SLC9B1: variants seen among roughly 807,000 people sequenced by gnomAD.
The protein encoded by SLC9B1 is sodium/hydrogen exchanger 9B1.
SLC9B1 carries 32 observed loss-of-function variants against 51.7 expected under a neutral mutation model. The ratio of observed to expected loss-of-function variants is 0.62; its 90% confidence interval spans 0.47 to 0.83. SLC9B1 has a LOEUF of 0.83. Among genes scored for constraint, SLC9B1 ranks in the 40% least tolerant of loss-of-function variants. The pLI, the probability that SLC9B1 is intolerant of heterozygous loss-of-function variation, is 0.00. For missense variants in SLC9B1, 406 were observed against 613.2 expected (o/e 0.66, Z 3.57); for synonymous variants, 145 against 212.7 (o/e 0.68, Z 2.77).
chr4:102,955,458 G>GTA (rs908125274), intron 3 of SLC9B1, among the ~76,000 whole-genome samples: 6 of 152,082 alleles, frequency 3.9e-5, no homozygotes, highest in African/African-American at 4.8e-5. Context: ...GGGAAAAACA[G>GTA]TAGTTTTACC....
intron 4 of SLC9B1, among the ~76,000 whole-genome samples, chr4:102,947,349 G>C (rs1267240630): frequency 6.6e-6 from 1 of 152,180 alleles, no homozygotes; most frequent in South Asian, 2.1e-4. Context: ...ATAAGATGTA[G>C]AGATTATCTC....
intron 3 of SLC9B1, among the ~76,000 whole-genome samples, chr4:102,968,650 G>A (rs1738561109): frequency 6.6e-6 from 1 of 152,210 alleles, no homozygotes; most frequent in Non-Finnish European, 1.5e-5. Context: ...TTCCAACTGA[G>A]GTACCTGGTT....
At chr4:103,014,749 C>G (rs1288054892) in intron 1 of SLC9B1, 1 of 152,202 alleles carries the variant, frequency 6.6e-6, no homozygotes, top group Non-Finnish European at 1.5e-5. Flanking sequence ...TACCCAGCAA[C>G]TTTTTCTTTG....
chr4:102,930,484 G>A (rs183865688), intron 7 of SLC9B1, among the ~76,000 whole-genome samples: 21 of 152,106 alleles, frequency 1.4e-4, no homozygotes, highest in South Asian at 1.0e-3. Context: ...AGCTCACTAC[G>A]GCCTCCGCCT....
chr4:102,927,725 G>T (rs1448617716), intron 7 of SLC9B1, among the ~76,000 whole-genome samples: 2 of 152,120 alleles, frequency 1.3e-5, no homozygotes, highest in African/African-American at 2.4e-5. Flanking sequence ...CCATTACTGG[G>T]TATATACCCA....
chr4:103,010,112 A>T, intron 1 of SLC9B1, among the ~76,000 whole-genome samples: 1 of 152,342 alleles, frequency 6.6e-6, no homozygotes, highest in East Asian at 1.9e-4. Context: ...TGTTGCCACA[A>T]TAAAGTGACA....
intron 1 of SLC9B1, among the ~76,000 whole-genome samples, chr4:103,010,249 T>C (rs879765926): frequency 2.6e-5 from 4 of 152,148 alleles, no homozygotes; most frequent in Non-Finnish European, 4.4e-5. Context: ...CACCCCAGCA[T>C]CTTGAGAGGG....
At chr4:102,997,074 C>A (rs1740266046) in intron 1 of SLC9B1, among the ~76,000 whole-genome samples, 1 of 152,050 alleles carries the variant, frequency 6.6e-6, no homozygotes, top group African/African-American at 2.4e-5. Context: ...CAGGCATGAG[C>A]CATTGTGTCT....
intron 3 of SLC9B1, among the ~76,000 whole-genome samples, chr4:102,968,299 C>A (rs1326292212): frequency 6.6e-6 from 1 of 152,108 alleles, no homozygotes; most frequent in Non-Finnish European, 1.5e-5. Context: ...TATTCATTTA[C>A]AAAAACTAAA....
chr4:102,895,949 C>T (rs1384995509), downstream of SLC9B1, among the ~76,000 whole-genome samples: 1 of 152,218 alleles, frequency 6.6e-6, no homozygotes, highest in African/African-American at 2.4e-5. Flanking sequence ...CAAAAGCCAA[C>T]TGGCAGCAAA....
chr4:102,990,201 T>C (rs1259026976), intron 2 of SLC9B1, among the ~76,000 whole-genome samples: 1 of 151,984 alleles, frequency 6.6e-6, no homozygotes, highest in African/African-American at 2.4e-5. Context: ...TGAATAAAGG[T>C]GCCTACAGTT....
At chr4:102,885,312 A>G in exon 12 of SLC9B1, 1 of 1,614,106 alleles carries the variant, frequency 6.2e-7, no homozygotes, top group East Asian at 2.2e-5. Flanking sequence ...AAACAACAGA[A>G]GGATAGCTTG....
At chr4:102,988,095 T>C (rs988518509) in intron 3 of SLC9B1, among the ~76,000 whole-genome samples, 1 of 152,208 alleles carries the variant, frequency 6.6e-6, no homozygotes, top group African/African-American at 2.4e-5. Flanking sequence ...GGAGAAGTTC[T>C]GTCCCCAAGA....
chr4:102,901,077 T>C lies in SLC9B1; in HGVS notation c.*40A>G. 1 of 1,608,378 alleles carries C rather than the reference T, an allele frequency of 6.2e-7. No homozygotes were observed. The highest frequency in any genetic ancestry group is 1.1e-5 in the South Asian group (1 of 90,318). On this transcript the variant is annotated 3_prime_UTR_variant, in exon 12 of 12. Coordinates refer to ENST00000296422, the MANE Select transcript of SLC9B1 (RefSeq NM_139173.4). Reference sequence around the variant, plus strand: ...AAAATTCTTCTGTCATGTGAAATAATTCATTAAAAGAAGCAGGCAGATGAT... The same window carrying C: ...AAAATTCTTCTGTCATGTGAAATAACTCATTAAAAGAAGCAGGCAGATGAT...
chr4:102,967,218 T>A (rs1263290281), intron 3 of SLC9B1, among the ~76,000 whole-genome samples: 1 of 152,158 alleles, frequency 6.6e-6, no homozygotes, highest in Non-Finnish European at 1.5e-5. Flanking sequence ...TGAGCCCTCA[T>A]TGAAATTATC....
intron 1 of SLC9B1, among the ~76,000 whole-genome samples, chr4:102,994,998 T>C (rs1045646891): frequency 1.4e-4 from 22 of 152,114 alleles, no homozygotes; most frequent in African/African-American, 5.1e-4. Context: ...GCTGTTAGAT[T>C]ATGAGGTAAT....
chr4:102,926,421 G>T (rs1159755024), intron 7 of SLC9B1, among the ~76,000 whole-genome samples: 1 of 152,222 alleles, frequency 6.6e-6, no homozygotes, highest in East Asian at 1.9e-4. Flanking sequence ...AAATCAATGT[G>T]CAAAAATCAC....
chr4:103,018,302 T>A, intron 1 of SLC9B1, among the ~76,000 whole-genome samples: 1 of 152,202 alleles, frequency 6.6e-6, no homozygotes, highest in East Asian at 1.9e-4. Context: ...GTATAAATTC[T>A]GGTACTCTAA....
chr4:103,004,466 C>A (rs960829508), intron 1 of SLC9B1, among the ~76,000 whole-genome samples: 9 of 151,984 alleles, frequency 5.9e-5, no homozygotes, highest in Non-Finnish European at 8.8e-5. Flanking sequence ...CATCTATGTC[C>A]CAGAAAGAGA....
Sources: gnomAD v4.1 joint callset for allele counts (sites outside exome capture counted in the v4.1 genomes callset) on GRCh38, gnomAD v4.1.1 for gene constraint, MANE v1.5 for transcripts, NCBI Gene and HGNC (gene_info 2026-07-23, HGNC 2026-07-21) for gene names.